Variants in GRM5 observed in about 807,000 individuals in gnomAD.
GRM5 encodes the protein metabotropic glutamate receptor 5.
GRM5 carries 19 observed loss-of-function variants against 83.1 expected under a neutral mutation model. The ratio of observed to expected loss-of-function variants is 0.23; its 90% CI spans 0.16 to 0.34. GRM5 has a LOEUF of 0.34. GRM5 is among the 10% of genes least tolerant of loss of function. The pLI is 1.00. For synonymous variants in GRM5, 675 were observed against 633.6 expected (o/e 1.07, Z -0.98); for missense variants, 1,160 against 1,588.3 (o/e 0.73, Z 4.58).
intron 2 of GRM5, among the ~76,000 whole-genome samples, chr11:88,879,317 A>G (rs1335890866): frequency 6.6e-6 from 1 of 151,998 alleles, no homozygotes; most frequent in African/African-American, 2.4e-5. Flanking sequence ...TCCAGAATAT[A>G]GAAAGTAATC....
intron 7 of GRM5, among the ~76,000 whole-genome samples, chr11:88,589,695 C>A (rs1459721683): frequency 1.3e-5 from 2 of 152,140 alleles, no homozygotes; most frequent in East Asian, 1.9e-4. Context: ...GCCTGCAAGG[C>A]TTTTTTCCTC....
intron 8 of GRM5, among the ~76,000 whole-genome samples, chr11:88,526,471 T>C: frequency 6.6e-6 from 1 of 152,172 alleles, no homozygotes; most frequent in East Asian, 1.9e-4. Flanking sequence ...CTGTAGAGCT[T>C]GCAGGGGCCC....
chr11:88,555,622 C>A (rs1377251763), intron 8 of GRM5, among the ~76,000 whole-genome samples: 1 of 152,020 alleles, frequency 6.6e-6, no homozygotes, highest in Non-Finnish European at 1.5e-5. Context: ...TCTGGCTGTG[C>A]CGTTTTAACT....
intron 2 of GRM5, among the ~76,000 whole-genome samples, chr11:89,028,171 C>A (rs964815938): frequency 3.9e-5 from 6 of 152,190 alleles, no homozygotes; most frequent in African/African-American, 1.4e-4. Flanking sequence ...TCTGGTATGG[C>A]AGCACAAAAC....
At chr11:88,994,999 G>C (rs1479179753) in intron 2 of GRM5, among the ~76,000 whole-genome samples, 3 of 152,082 alleles carry the variant, frequency 2.0e-5, no homozygotes, top group Admixed American at 2.0e-4. Flanking sequence ...CCTATAAATT[G>C]CCAAACCCTG....
At chr11:89,020,002 T>G (rs1565338247) in intron 2 of GRM5, among the ~76,000 whole-genome samples, 1 of 152,128 alleles carries the variant, frequency 6.6e-6, no homozygotes, top group Non-Finnish European at 1.5e-5. Flanking sequence ...ATCTCAACAG[T>G]GCAAAATCTG....
chr11:88,508,664 G>T lies in GRM5; in HGVS notation c.3567C>A (p.Leu1189=). Residue 1189 remains leucine, a synonymous_variant, in exon 10 of 10, where the codon CTC becomes CTA. Coordinates refer to ENST00000305447, the MANE Select transcript of GRM5 (RefSeq NM_001143831.3). This position sits in a 1 kb window ranked among gnomAD's most constrained non-coding sequence, Gnocchi z 4.2. The stretch of plus-strand genomic sequence containing the variant: ...CATATTTGGGAGACGACGGGATACA[G>T]AGGGCCGACTCGGACACTGGCGAGT... ...TPNSPVSESA[L]CIPSSPKYDT... is the part of the protein sequence containing the mutation. The T allele has an allele frequency of 6.2e-7, 1 of 1,610,060 alleles. No homozygotes were observed. The highest frequency in any genetic ancestry group is 8.5e-7 in the Non-Finnish European group (1 of 1,178,264).
rs112788428 is a variant in GRM5, at chr11:88,900,216, A to C, written c.662-50061T>G. Among the ~76,000 whole-genome samples, 18 of 152,166 alleles carry C rather than the reference A, an allele frequency of 1.2e-4. 1 individual carries two copies. Among genetic ancestry groups the C allele is most frequent in the African/African-American group, 4.3e-4 (18 of 41,464 alleles). Reference sequence around the variant, plus strand: ...GGATAGTATTAAAAACTATATGTATAGTGATGTACTGGTAAATGTATAACA... The same window carrying C: ...GGATAGTATTAAAAACTATATGTATCGTGATGTACTGGTAAATGTATAACA... On this transcript the variant is annotated intron_variant, in intron 2 of 9. Coordinates refer to ENST00000305447, the MANE Select transcript of GRM5 (RefSeq NM_001143831.3).
chr11:89,053,044 G>A (rs893336079), intron 1 of GRM5, among the ~76,000 whole-genome samples: 2 of 152,038 alleles, frequency 1.3e-5, no homozygotes, highest in Non-Finnish European at 2.9e-5. Context: ...CCAAAAAAAT[G>A]AAAGATACTA....
chr11:88,744,086 G>A (rs1471468665), intron 3 of GRM5, among the ~76,000 whole-genome samples: 2 of 152,160 alleles, frequency 1.3e-5, no homozygotes, highest in Non-Finnish European at 2.9e-5. Context: ...TTTAAGGGCA[G>A]ATTAATCATA....
intron 3 of GRM5, among the ~76,000 whole-genome samples, chr11:88,817,236 T>C (rs1044943238): frequency 2.0e-5 from 3 of 152,152 alleles, no homozygotes; most frequent in Non-Finnish European, 4.4e-5. Flanking sequence ...CACAAATAAT[T>C]TTGGATACGT....
At chr11:88,816,214 C>T (rs1362292184) in intron 3 of GRM5, among the ~76,000 whole-genome samples, 1 of 87,838 alleles carries the variant, frequency 1.1e-5, no homozygotes, top group South Asian at 4.9e-4. Context: ...AGCGAGACTC[C>T]GTCTCAAAAA....
chr11:88,529,420 G>A (rs1014903586), intron 8 of GRM5, among the ~76,000 whole-genome samples: 1 of 151,510 alleles, frequency 6.6e-6, no homozygotes, highest in African/African-American at 2.4e-5. Flanking sequence ...GACATGCACC[G>A]TGAAGAGAAA....
intron 2 of GRM5, among the ~76,000 whole-genome samples, chr11:89,006,182 C>T (rs563579181): frequency 6.6e-6 from 1 of 152,222 alleles, no homozygotes; most frequent in African/African-American, 2.4e-5. Flanking sequence ...ACCTGGTTTC[C>T]GTGGCCTGGC....
rs566354655 is a variant in GRM5, at chr11:88,861,223, C to G, written c.662-11068G>C. Reference sequence around the variant, plus strand: ...CTTAGGATATTTAATGGCATCCAAACTTTTCATGATCTGCTGCTTGACTCT... The same window carrying G: ...CTTAGGATATTTAATGGCATCCAAAGTTTTCATGATCTGCTGCTTGACTCT... On this transcript the variant is annotated intron_variant, in intron 2 of 9. Transcript: ENST00000305447. Among the ~76,000 whole-genome samples, 12 of 152,182 alleles carry G rather than the reference C, an allele frequency of 7.9e-5. No homozygotes were observed. In the East Asian group the frequency reaches 2.1e-3, roughly 27 times the overall value.
At chr11:88,537,933 A>C (rs1161361371) in intron 8 of GRM5, among the ~76,000 whole-genome samples, 2 of 152,186 alleles carry the variant, frequency 1.3e-5, no homozygotes, top group Non-Finnish European at 2.9e-5. Context: ...AAATAATGGA[A>C]AGGTAAAAGC....
At chr11:88,889,412 G>C (rs1320069384) in intron 2 of GRM5, among the ~76,000 whole-genome samples, 1 of 151,830 alleles carries the variant, frequency 6.6e-6, no homozygotes, top group African/African-American at 2.4e-5. Context: ...TCACAATTTT[G>C]CAATGACAGT....
At chr11:89,064,878 CTCTCTCTCTCTG>C (rs1197683210) in intron 1 of GRM5, among the ~76,000 whole-genome samples, 57 of 56,424 alleles carry the variant, frequency 1.0e-3, no homozygotes, top group Non-Finnish European at 6.5e-4. Context: ...CTCTCTCTCT[CTCTCTCTCTCTG>C]TGTGTGTGTG....
intron 2 of GRM5, among the ~76,000 whole-genome samples, chr11:88,875,814 T>A (rs1223543912): frequency 6.6e-6 from 1 of 152,098 alleles, no homozygotes; most frequent in Non-Finnish European, 1.5e-5. Flanking sequence ...GAAGCTTTTC[T>A]TCTTAAGAGT....
Sources: allele counts gnomAD v4.1 joint callset (sites outside exome capture counted in the v4.1 genomes callset), GRCh38; gene constraint gnomAD v4.1.1; non-coding constraint Gnocchi (gnomAD v3.1); transcripts MANE v1.5; gene names NCBI Gene and HGNC (gene_info 2026-07-23, HGNC 2026-07-21).